SIPA1L1: variants seen among roughly 807,000 people sequenced by gnomAD.
The protein encoded by SIPA1L1 is signal-induced proliferation-associated 1-like protein 1.
In SIPA1L1, 26 loss-of-function variants were observed where a neutral mutation model predicts 162.7. The observed-to-expected ratio is 0.16, with a 90% CI of 0.12 to 0.22. The LOEUF (loss-of-function observed/expected upper bound fraction) is 0.22, where lower values mean the gene tolerates loss of function less well. Ranked by LOEUF, SIPA1L1 falls within the 10% of genes least tolerant of loss-of-function variation. The probability of loss-of-function intolerance (pLI) is 1.00; values close to 1 mark genes in which losing one functional copy is unlikely to be tolerated. For synonymous variants in SIPA1L1, 829 were observed against 837.4 expected, an observed-to-expected ratio of 0.99 and a Z score of 0.17; for missense variants, 1,874 against 2,241.0, an observed-to-expected ratio of 0.84 and a Z score of 3.31.
chr14:71,624,651 C>T (rs1198711519), intron 7 of SIPA1L1, among the ~76,000 whole-genome samples: 2 of 152,048 alleles, frequency 1.3e-5, no homozygotes, highest in Admixed American at 1.3e-4. Flanking sequence ...ATTTAATCTC[C>T]CTACACTGTG....
At chr14:71,581,802 GTTA>G (rs770298509) in intron 4 of SIPA1L1, among the ~76,000 whole-genome samples, 14 of 152,176 alleles carry the variant, frequency 9.2e-5, no homozygotes, top group Middle Eastern at 3.4e-3. Context: ...CCTTTAAAGT[GTTA>G]TTATAACTTA....
intron 5 of SIPA1L1, among the ~76,000 whole-genome samples, chr14:71,590,032 AAAAAAAAAAAAAATATATATATATATAT>A (rs1442992922): frequency 7.8e-5 from 5 of 64,498 alleles, no homozygotes; most frequent in Non-Finnish European, 1.5e-4. Context: ...AAAAAAAAAA[AAAAAAAAAAAAAATATATATATATATAT>A]ATATATATAT....
At position 71,428,792 on chromosome 14, in the gene SIPA1L1, C is replaced by T. The variant is rs111407547; in HGVS notation, c.-464-83951C>T. On this transcript the variant is annotated intron_variant, in intron 2 of 23. Coordinates refer to ENST00000381232, the MANE Select transcript of SIPA1L1 (RefSeq NM_001386936.1). ...AGAGGGCAGGGTCCTTTTTGCCCAT[C>T]CTGGCTCTTGCCAGCTGTGTGCAAA... is the stretch of plus-strand genomic sequence containing the variant. Among the ~76,000 whole-genome samples, 237 of 152,350 alleles carry T rather than the reference C, an allele frequency of 1.6e-3. 1 individual carries two copies. Among genetic ancestry groups the T allele is most frequent in the Non-Finnish European group, 2.5e-3 (168 of 68,032 alleles).
chr14:71,721,776 A>G (rs2083761074), intron 17 of SIPA1L1, among the ~76,000 whole-genome samples: 1 of 152,114 alleles, frequency 6.6e-6, no homozygotes, highest in Non-Finnish European at 1.5e-5. Context: ...CTGGTGTCAC[A>G]TGGGGTCATG....
chr14:71,354,397 C>A (rs1482583975), intron 2 of SIPA1L1, among the ~76,000 whole-genome samples: 1 of 151,546 alleles, frequency 6.6e-6, no homozygotes, highest in Non-Finnish European at 1.5e-5. Context: ...CCCTCTTCAG[C>A]CTCCTGAGTT....
chr14:71,401,108 T>C (rs2041637855), intron 2 of SIPA1L1, among the ~76,000 whole-genome samples: 1 of 152,212 alleles, frequency 6.6e-6, no homozygotes, highest in East Asian at 1.9e-4. Context: ...TGATTGCTTA[T>C]GGGTATTCAT....
intron 10 of SIPA1L1, among the ~76,000 whole-genome samples, chr14:71,665,438 G>T (rs966805145): frequency 6.6e-6 from 1 of 152,130 alleles, no homozygotes; most frequent in Non-Finnish European, 1.5e-5. Context: ...GCATACTAAA[G>T]CTTATCCCAT....
At chr14:71,528,332 A>C (rs544028145) in intron 3 of SIPA1L1, among the ~76,000 whole-genome samples, 9 of 152,112 alleles carry the variant, frequency 5.9e-5, no homozygotes, top group Non-Finnish European at 1.3e-4. Flanking sequence ...TAGTGAGTAG[A>C]CTACATGATT....
chr14:71,661,682 A>G (rs999949856), intron 10 of SIPA1L1, among the ~76,000 whole-genome samples: 2 of 152,156 alleles, frequency 1.3e-5, no homozygotes, highest in Non-Finnish European at 2.9e-5. Flanking sequence ...TGCCGTTTCC[A>G]TTTGCACCTC....
chr14:71,335,569 A>G (rs1477460110), intron 2 of SIPA1L1, among the ~76,000 whole-genome samples: 2 of 152,158 alleles, frequency 1.3e-5, no homozygotes, highest in African/African-American at 2.4e-5. Flanking sequence ...TAAGCATTCT[A>G]AGTGTTCAGT....
At chr14:71,550,343 A>C (rs999270783) in intron 4 of SIPA1L1, among the ~76,000 whole-genome samples, 2 of 152,200 alleles carry the variant, frequency 1.3e-5, no homozygotes, top group Non-Finnish European at 1.5e-5. Context: ...TGTGACTCTT[A>C]GGAGAGGACC....
chr14:71,720,855 A>T (rs1293135518), intron 17 of SIPA1L1, among the ~76,000 whole-genome samples: 1 of 152,118 alleles, frequency 6.6e-6, no homozygotes, highest in African/African-American at 2.4e-5. Flanking sequence ...AATTCCTTCT[A>T]TGTGATATCT....
At chr14:71,684,032 G>A (rs2046043709) in intron 12 of SIPA1L1, among the ~76,000 whole-genome samples, 2 of 152,240 alleles carry the variant, frequency 1.3e-5, no homozygotes, top group South Asian at 4.1e-4. Flanking sequence ...AAGGGATAGA[G>A]TGGAGCCTTG....
intron 2 of SIPA1L1, among the ~76,000 whole-genome samples, chr14:71,512,058 CAAG>C (rs973212661): frequency 3.3e-5 from 5 of 152,266 alleles, no homozygotes; most frequent in African/African-American, 2.4e-5. Flanking sequence ...TTCTCAAACT[CAAG>C]GAGGGGGTCA....
chr14:71,588,639 G>A lies in SIPA1L1; in HGVS notation c.767G>A (p.Gly256Asp), dbSNP rs770007135. ...FLITGGGKGS[G>D]FSLDVIDGPI... ...ATTACTGGTGGTGGCAAGGGTTCTG[G>A]TTTCTCTTTGGATGTAATAGACGGG... Residue 256 changes from glycine to aspartate, a missense_variant, in exon 5 of 24, where the codon GGT becomes GAT. Physicochemically the swap from Gly to Asp is moderately conservative, Grantham distance 94. Around this residue, in one of 5 missense-constraint regions of SIPA1L1, gnomAD observed 685 missense variants for 828.0 expected, o/e 0.83. Coordinates refer to ENST00000381232, the MANE Select transcript of SIPA1L1 (RefSeq NM_001386936.1). The surrounding 1 kb of genome is among the most constrained non-coding windows in gnomAD (Gnocchi z 4.3). The A allele has an allele frequency of 1.2e-6, 2 of 1,613,902 alleles. No homozygotes were observed. Among genetic ancestry groups the A allele is most frequent in the Admixed American group, 3.3e-5 (2 of 59,996 alleles).
At chr14:71,701,033 A>C (rs986264677) in intron 14 of SIPA1L1, among the ~76,000 whole-genome samples, 4 of 142,664 alleles carry the variant, frequency 2.8e-5, no homozygotes, top group Non-Finnish European at 4.5e-5. Context: ...AAAAAAAAAA[A>C]AGTTTTATTA....
intron 4 of SIPA1L1, among the ~76,000 whole-genome samples, chr14:71,576,801 A>G (rs916778587): frequency 1.3e-5 from 2 of 152,304 alleles, no homozygotes; most frequent in Non-Finnish European, 1.5e-5. Flanking sequence ...AAATAATGGC[A>G]GGGGCCAGGT....
intron 2 of SIPA1L1, among the ~76,000 whole-genome samples, chr14:71,390,188 C>A (rs1312727976): frequency 6.6e-6 from 1 of 152,118 alleles, no homozygotes; most frequent in East Asian, 1.9e-4. Flanking sequence ...GCTGTTTCAT[C>A]CTAAATGTGT....
At chr14:71,650,200 A>G (rs532158941) in intron 7 of SIPA1L1, 135 bp from the exon 8 acceptor site, 1 of 907,514 alleles carries the variant, frequency 1.1e-6, no homozygotes, top group East Asian at 2.4e-5. Context: ...CAAAGACGGA[A>G]AATACAGAAG....
Sources: allele counts gnomAD v4.1 joint callset (sites outside exome capture counted in the v4.1 genomes callset), GRCh38; gene constraint gnomAD v4.1.1; regional missense constraint gnomAD v4.1.1; non-coding constraint Gnocchi (gnomAD v3.1); transcripts MANE v1.5; gene names NCBI Gene and HGNC (gene_info 2026-07-23, HGNC 2026-07-21).